SEZ6L: variants seen among roughly 807,000 people sequenced by gnomAD.
SEZ6L encodes the protein seizure related 6 homolog like.
SEZ6L carries 37 observed loss-of-function variants against 106.2 expected under a neutral mutation model. The ratio of observed to expected loss-of-function variants is 0.35; its 90% CI spans 0.27 to 0.46. SEZ6L has a LOEUF of 0.46. Ranked by LOEUF, SEZ6L falls within the 20% of genes least tolerant of loss-of-function variation. The probability of loss-of-function intolerance (pLI) is 1.00; values close to 1 mark genes in which losing one functional copy is unlikely to be tolerated. For synonymous variants in SEZ6L, 541 were observed against 570.4 expected (o/e 0.95, Z 0.73); for missense variants, 1,172 against 1,332.8 (o/e 0.88, Z 1.88).
intron 12 of SEZ6L, among the ~76,000 whole-genome samples, chr22:26,357,002 T>A (rs668351): frequency 1 from 150,888 of 151,498 alleles, 75,142 homozygotes; most frequent in East Asian, 1. Flanking sequence ...CCCAGGCCGA[T>A]GTGCAGTGGC....
At chr22:26,197,680 C>T (rs1397329625) in intron 1 of SEZ6L, among the ~76,000 whole-genome samples, 1 of 152,170 alleles carries the variant, frequency 6.6e-6, no homozygotes. Flanking sequence ...AAGCAACTAC[C>T]TCCCCAGGGT....
At chr22:26,248,988 T>C (rs1369661900) in intron 1 of SEZ6L, among the ~76,000 whole-genome samples, 5 of 152,316 alleles carry the variant, frequency 3.3e-5, no homozygotes, top group Non-Finnish European at 7.3e-5. Context: ...AGTAATAAGA[T>C]TCAAAAAGAG....
At chr22:26,256,741 C>A (rs2079834506) in intron 1 of SEZ6L, among the ~76,000 whole-genome samples, 1 of 152,206 alleles carries the variant, frequency 6.6e-6, no homozygotes, top group Non-Finnish European at 1.5e-5. Flanking sequence ...AATCTCAGAC[C>A]CTTCCGCAGA....
intron 9 of SEZ6L, among the ~76,000 whole-genome samples, chr22:26,334,399 G>T (rs2082583190): frequency 6.6e-6 from 1 of 152,166 alleles, no homozygotes; most frequent in South Asian, 2.1e-4. Flanking sequence ...TTCGTGGCTG[G>T]CTTCTTTCAC....
At chr22:26,367,339 G>T (rs1193968477) in intron 13 of SEZ6L, among the ~76,000 whole-genome samples, 2 of 151,750 alleles carry the variant, frequency 1.3e-5, no homozygotes, top group African/African-American at 2.4e-5. Flanking sequence ...TTGTTTGTTT[G>T]TTTTTGTTTG....
intron 1 of SEZ6L, among the ~76,000 whole-genome samples, chr22:26,234,418 G>A (rs940058989): frequency 3.9e-5 from 6 of 152,214 alleles, no homozygotes; most frequent in Admixed American, 1.3e-4. Flanking sequence ...TAGCAGCTGC[G>A]AGTAAAAAAT....
At chr22:26,245,812 A>G (rs28538283) in intron 1 of SEZ6L, among the ~76,000 whole-genome samples, 3,481 of 151,906 alleles carry the variant, frequency 0.023, 132 homozygotes, top group African/African-American at 0.08. Flanking sequence ...TTAGCATTTT[A>G]TTGTTGTTGT....
chr22:26,327,746 C>T (rs2082365145), intron 9 of SEZ6L, among the ~76,000 whole-genome samples: 1 of 152,184 alleles, frequency 6.6e-6, no homozygotes, highest in Admixed American at 6.5e-5. Flanking sequence ...CACATACTGC[C>T]ACATACACAT....
chr22:26,342,067 G>T (rs1442164062), intron 10 of SEZ6L, among the ~76,000 whole-genome samples: 1 of 152,186 alleles, frequency 6.6e-6, no homozygotes, highest in African/African-American at 2.4e-5. Context: ...CTCATCCCTA[G>T]CTCCAAAGCT....
chr22:26,353,308 A>T (rs1007908022), intron 12 of SEZ6L, among the ~76,000 whole-genome samples: 1 of 152,252 alleles, frequency 6.6e-6, no homozygotes, highest in Non-Finnish European at 1.5e-5. Flanking sequence ...ACATATCTGT[A>T]AACATGTGTT....
chr22:26,303,650 G>A (rs2081521579), intron 5 of SEZ6L, among the ~76,000 whole-genome samples: 1 of 152,106 alleles, frequency 6.6e-6, no homozygotes, highest in Non-Finnish European at 1.5e-5. Context: ...AAAATTAATC[G>A]TGGTTATTCA....
At chr22:26,348,624 GAA>G (rs1289958256) in intron 11 of SEZ6L, among the ~76,000 whole-genome samples, 5 of 29,514 alleles carry the variant, frequency 1.7e-4, no homozygotes, top group African/African-American at 4.5e-4. Context: ...AAGAAAGAAA[GAA>G]AGAAAGAAAG....
At chr22:26,316,978 A>T (rs1215960528) in intron 9 of SEZ6L, among the ~76,000 whole-genome samples, 1 of 152,070 alleles carries the variant, frequency 6.6e-6, no homozygotes, top group Non-Finnish European at 1.5e-5. Context: ...GAGGGAGGAC[A>T]GGACAGGAAA....
intron 1 of SEZ6L, among the ~76,000 whole-genome samples, chr22:26,194,251 C>T (rs1298552970): frequency 1.3e-5 from 2 of 152,282 alleles, no homozygotes; most frequent in East Asian, 3.9e-4. Flanking sequence ...CTTTTTGAAG[C>T]CCTTGGTGCC....
At chr22:26,172,525 T>G (rs1050405121) in intron 1 of SEZ6L, among the ~76,000 whole-genome samples, 2 of 152,150 alleles carry the variant, frequency 1.3e-5, no homozygotes, top group African/African-American at 4.8e-5. Context: ...TTACTGGCCC[T>G]CCTATTCTGT....
intron 1 of SEZ6L, among the ~76,000 whole-genome samples, chr22:26,170,112 C>G (rs1403809433): frequency 6.6e-6 from 1 of 152,090 alleles, no homozygotes; most frequent in African/African-American, 2.4e-5. Flanking sequence ...CAACCGCACC[C>G]GGGGCTAGGT....
At chr22:26,360,610 G>C (rs2083584250) in intron 12 of SEZ6L, among the ~76,000 whole-genome samples, 2 of 152,184 alleles carry the variant, frequency 1.3e-5, no homozygotes, top group African/African-American at 2.4e-5. Flanking sequence ...CTGCACTGCA[G>C]GTAATACAGT....
intron 1 of SEZ6L, among the ~76,000 whole-genome samples, chr22:26,226,050 G>A (rs922050445): frequency 6.6e-6 from 1 of 152,180 alleles, no homozygotes; most frequent in South Asian, 2.1e-4. Flanking sequence ...AAAGTAACTC[G>A]ATTTTCTCCA....
rs34797807 is a variant in SEZ6L at position 26,234,604 on chromosome 22, G to A, written c.95-57802G>A. On this transcript the variant is annotated intron_variant, in intron 1 of 16. Transcript: ENST00000248933. Reference sequence around the variant, plus strand: ...CTGTATGAGGTCATGAATAAGGCTGGGGGCTCATCTCTATGCCTGGGCATC... The same window carrying A: ...CTGTATGAGGTCATGAATAAGGCTGAGGGCTCATCTCTATGCCTGGGCATC... Among the ~76,000 whole-genome samples, 4 of 152,204 alleles carry A rather than the reference G, an allele frequency of 2.6e-5. No homozygotes were observed. In the East Asian group the frequency reaches 7.7e-4, roughly 29 times the overall value.
Sources: gnomAD v4.1 joint callset for allele counts (sites outside exome capture counted in the v4.1 genomes callset) on GRCh38, gnomAD v4.1.1 for gene constraint, MANE v1.5 for transcripts, NCBI Gene and HGNC (gene_info 2026-07-23, HGNC 2026-07-21) for gene names.